Variants in MTERF4 observed in about 807,000 individuals in gnomAD.
The protein encoded by MTERF4 is mitochondrial transcription termination factor 4, also known as transcription termination factor 4, mitochondrial.
Under a neutral mutation model 22.5 loss-of-function variants are expected in MTERF4, and 17 were observed. That is an observed-to-expected ratio of 0.75 (90% confidence interval 0.52 to 1.13). The LOEUF (loss-of-function observed/expected upper bound fraction) is 1.13, where lower values mean the gene tolerates loss of function less well. Among genes scored for constraint, MTERF4 ranks in the 50% most tolerant of loss-of-function variants. The probability of loss-of-function intolerance (pLI) is 0.00; values close to 1 mark genes in which losing one functional copy is unlikely to be tolerated. For missense variants in MTERF4, 420 were observed against 466.8 expected (o/e 0.90, Z 0.92); for synonymous variants, 165 against 175.3 (o/e 0.94, Z 0.47).
chr2:241,063,317 C>T, the MTERF4 span: 38 of 527,078 alleles, frequency 7.2e-5, no homozygotes, highest in Non-Finnish European at 1.1e-4. Flanking sequence ...GAGCCGTGCC[C>T]AGTCGTGGCC....
At chr2:241,065,609 A>T in the MTERF4 span, 57 of 1,608,034 alleles carry the variant, frequency 3.5e-5, no homozygotes, top group Non-Finnish European at 4.8e-5. Context: ...AGTGTCCCCG[A>T]GCCTGGCCGT....
chr2:241,052,641 G>C, the MTERF4 span, among the ~76,000 whole-genome samples: 901 of 118,820 alleles, frequency 7.6e-3, 81 homozygotes, highest in East Asian at 0.074. Flanking sequence ...GGGCCGGGGG[G>C]CCAAGCAGGG....
At chr2:241,063,191 G>A in the MTERF4 span, among the ~76,000 whole-genome samples, 17 of 152,228 alleles carry the variant, frequency 1.1e-4, no homozygotes, top group African/African-American at 4.1e-4. Flanking sequence ...ACACCTGGTC[G>A]GTGCTTCCAG....
chr2:241,050,198 A>G, the MTERF4 span, among the ~76,000 whole-genome samples: 4 of 152,260 alleles, frequency 2.6e-5, no homozygotes, highest in Non-Finnish European at 4.4e-5. Flanking sequence ...GCATTTTTCC[A>G]AATAGATTTT....
the MTERF4 span, among the ~76,000 whole-genome samples, chr2:241,046,945 C>A: frequency 6.6e-6 from 1 of 151,986 alleles, no homozygotes; most frequent in Non-Finnish European, 1.5e-5. Flanking sequence ...GAGATCAAGA[C>A]CATCCTGGCC....
the MTERF4 span, among the ~76,000 whole-genome samples, chr2:241,047,514 AT>A: frequency 1.3e-5 from 2 of 152,366 alleles, no homozygotes; most frequent in Admixed American, 1.3e-4. Flanking sequence ...CACTCACGTT[AT>A]TCTCAAGTGC....
At chr2:241,098,315 CCT>C (rs1261044967) in intron 2 of MTERF4, among the ~76,000 whole-genome samples, 1 of 152,158 alleles carries the variant, frequency 6.6e-6, no homozygotes, top group East Asian at 1.9e-4. Context: ...TACAAGGCTA[CCT>C]TTTTCTTATC....
In MTERF4 at chr2:241,073,314, G is replaced by A. The variant is rs6721345; in HGVS notation, n.2848C>T. 9,248 of 1,573,840 alleles carry A rather than the reference G, an allele frequency of 5.9e-3. 465 individuals are homozygous for A. The African/African-American group carries it at 0.11, about 19-fold the overall frequency. On this transcript the variant is annotated non_coding_transcript_exon_variant, in exon 5 of 5. Coordinates refer to the MTERF4 transcript ENST00000464344. The surrounding 1 kb of genome is among the most constrained non-coding windows in gnomAD (Gnocchi z 6.6). ...GAGAACATGGAGGAAGCCCCCAAGCGGGTCAGCCTGGCCCTCCAGCTCCCT... is the reference window on the plus strand; with the variant it reads ...GAGAACATGGAGGAAGCCCCCAAGCAGGTCAGCCTGGCCCTCCAGCTCCCT...
intron 3 of MTERF4, 102 bp downstream of exon 3, chr2:241,097,136 TACTAC>T: frequency 7.4e-7 from 1 of 1,354,388 alleles, no homozygotes; most frequent in Non-Finnish European, 1.0e-6. Context: ...AACTTGCTGT[TACTAC>T]ACTAATCACG....
chr2:241,069,875 C>A, downstream of MTERF4: 1 of 1,590,450 alleles, frequency 6.3e-7, no homozygotes, highest in Non-Finnish European at 8.6e-7. This position sits in a 1 kb window ranked among gnomAD's most constrained non-coding sequence, Gnocchi z 4.9. Flanking sequence ...TGCCAGAAGA[C>A]CCTGTGGGCA....
the MTERF4 span, chr2:241,062,914 G>A: frequency 2.6e-6 from 4 of 1,555,222 alleles, no homozygotes; most frequent in Non-Finnish European, 3.5e-6. Context: ...GGTAAGAGGG[G>A]CCCTGGCCCC....
chr2:241,086,312 G>A (rs898435825), downstream of MTERF4, among the ~76,000 whole-genome samples: 3 of 152,134 alleles, frequency 2.0e-5, no homozygotes, highest in African/African-American at 7.2e-5. Context: ...CAGGCCCAAG[G>A]GGACCCTACA....
chr2:241,071,548 C>A, downstream of MTERF4: 1 of 1,567,778 alleles, frequency 6.4e-7, no homozygotes, highest in African/African-American at 1.3e-5. Flanking sequence ...AGCCCCAGAC[C>A]AGCCCCTTCC....
rs758103504 is a variant in MTERF4 at position 241,096,034 on chromosome 2, GTCC to G, written c.1107_1109del (p.Glu369del). ...CGTCGTCGTCCTCATCCTCATCATT[GTCC>G]TCCGCCTCGTCGTCGTCCTCATCAT... On this transcript the variant is annotated inframe_deletion, in exon 4 of 4. Transcript: ENST00000391980. The surrounding 1 kb of genome is among the most constrained non-coding windows in gnomAD (Gnocchi z 5.1). The G allele has an allele frequency of 2.5e-6, 4 of 1,612,922 alleles. No homozygotes were observed. The highest frequency in any genetic ancestry group is 2.2e-5 in the East Asian group (1 of 44,854).
chr2:241,071,461 C>T (rs2062711698), downstream of MTERF4: 9 of 1,256,268 alleles, frequency 7.2e-6, no homozygotes, highest in Non-Finnish European at 1.0e-5. Context: ...CGCACATGCC[C>T]CCCTTCCCTT....
At chr2:241,067,307 C>G (rs1007196034), downstream of MTERF4, among the ~76,000 whole-genome samples, 1 of 152,202 alleles carries the variant, frequency 6.6e-6, no homozygotes, top group East Asian at 1.9e-4. Context: ...CACAAGTGGC[C>G]CCTTCCCTGC....
chr2:241,085,040 T>A (rs1380619020), downstream of MTERF4, among the ~76,000 whole-genome samples: 1 of 152,206 alleles, frequency 6.6e-6, no homozygotes. Context: ...CCTGCCCCTT[T>A]TATGTTTTCC....
chr2:241,044,289 C>CTA, the MTERF4 span, among the ~76,000 whole-genome samples: 6 of 152,158 alleles, frequency 3.9e-5, no homozygotes, highest in South Asian at 2.1e-4. Context: ...CAATACCCAA[C>CTA]TATATGCTGT....
the MTERF4 span, chr2:241,065,528 C>T: frequency 6.2e-7 from 1 of 1,612,974 alleles, no homozygotes; most frequent in South Asian, 1.1e-5. Flanking sequence ...TCTCCGTCTT[C>T]TCAGTGAAGC....
Sources: gnomAD v4.1 joint callset for allele counts (sites outside exome capture counted in the v4.1 genomes callset) on GRCh38, gnomAD v4.1.1 for gene constraint, Gnocchi (gnomAD v3.1) non-coding constraint, MANE v1.5 for transcripts, NCBI Gene and HGNC (gene_info 2026-07-23, HGNC 2026-07-21) for gene names.